Variants in PRKG1 observed in about 807,000 individuals in gnomAD.
PRKG1 encodes protein kinase cGMP-dependent 1, also known as cGMP-dependent protein kinase 1.
Under a neutral mutation model 88.1 loss-of-function variants are expected in PRKG1, and 35 were observed. The observed-to-expected ratio is 0.40, with a 90% CI of 0.30 to 0.53. The LOEUF (loss-of-function observed/expected upper bound fraction) is 0.53, where lower values mean the gene tolerates loss of function less well. PRKG1 is among the 20% of genes least tolerant of loss of function. The pLI is 0.59. For missense variants in PRKG1, 540 were observed against 839.8 expected (o/e 0.64, Z 4.41); for synonymous variants, 303 against 292.5 (o/e 1.04, Z -0.37).
chr10:51,658,403 G>T (rs1840214806), intron 3 of PRKG1, among the ~76,000 whole-genome samples: 2 of 152,038 alleles, frequency 1.3e-5, no homozygotes, highest in South Asian at 4.1e-4. Context: ...CTCTGAGGGT[G>T]GGAGAATAGA....
At chr10:51,963,347 A>G (rs1843491496) in intron 5 of PRKG1, among the ~76,000 whole-genome samples, 1 of 152,206 alleles carries the variant, frequency 6.6e-6, no homozygotes, top group Non-Finnish European at 1.5e-5. Flanking sequence ...AGCACGTGCT[A>G]AAGAAGCACA....
intron 10 of PRKG1, among the ~76,000 whole-genome samples, chr10:52,268,236 G>C (rs145377935): frequency 6.6e-6 from 1 of 152,286 alleles, no homozygotes; most frequent in Non-Finnish European, 1.5e-5. Flanking sequence ...GAAAGCCTCA[G>C]TAGGTTAGCA....
chr10:52,055,842 C>T (rs970422137), intron 6 of PRKG1, among the ~76,000 whole-genome samples: 1 of 152,066 alleles, frequency 6.6e-6, no homozygotes, highest in Non-Finnish European at 1.5e-5. Context: ...TAACTTATAG[C>T]TCATATATAG....
chr10:51,167,406 G>A (rs1289121224), intron 2 of PRKG1, among the ~76,000 whole-genome samples: 2 of 152,182 alleles, frequency 1.3e-5, no homozygotes, highest in East Asian at 1.9e-4. Flanking sequence ...ATGGTTGGTA[G>A]AGGCAATGTC....
At chr10:51,736,521 AT>A (rs1195126897) in intron 3 of PRKG1, among the ~76,000 whole-genome samples, 1 of 152,162 alleles carries the variant, frequency 6.6e-6, no homozygotes, top group East Asian at 1.9e-4. Context: ...TATACACACA[AT>A]TTAGATTTTA....
At chr10:51,350,433 C>A (rs1391916109) in intron 2 of PRKG1, among the ~76,000 whole-genome samples, 1 of 152,106 alleles carries the variant, frequency 6.6e-6, no homozygotes, top group Non-Finnish European at 1.5e-5. Context: ...AATGAACATA[C>A]CTCAACATAA....
intron 9 of PRKG1, among the ~76,000 whole-genome samples, chr10:52,208,389 C>G (rs1309501828): frequency 1.3e-5 from 2 of 152,142 alleles, no homozygotes; most frequent in African/African-American, 4.8e-5. Flanking sequence ...CTGACAAGAC[C>G]TATTCTGCAA....
chr10:51,144,245 G>A (rs913790255), intron 1 of PRKG1, among the ~76,000 whole-genome samples: 1 of 151,968 alleles, frequency 6.6e-6, no homozygotes, highest in African/African-American at 2.4e-5. Flanking sequence ...TTTGCTTTTG[G>A]ATTTTTATAA....
intron 2 of PRKG1, among the ~76,000 whole-genome samples, chr10:51,335,306 C>A (rs1432866658): frequency 6.6e-6 from 1 of 152,074 alleles, no homozygotes; most frequent in Non-Finnish European, 1.5e-5. Context: ...TGGTCAACTT[C>A]TTATTTTACT....
At chr10:52,100,688 C>T (rs1056163587) in intron 7 of PRKG1, among the ~76,000 whole-genome samples, 1 of 152,138 alleles carries the variant, frequency 6.6e-6, no homozygotes, top group South Asian at 2.1e-4. Context: ...ATGGTCAAAA[C>T]GAGAGCCTTT....
chr10:52,080,565 C>G (rs1846745914), intron 7 of PRKG1, among the ~76,000 whole-genome samples: 1 of 152,082 alleles, frequency 6.6e-6, no homozygotes, highest in African/African-American at 2.4e-5. Context: ...AGTACATAAA[C>G]TAGTTCGGTA....
At chr10:51,363,435 G>A (rs747743514) in intron 2 of PRKG1, among the ~76,000 whole-genome samples, 1 of 151,772 alleles carries the variant, frequency 6.6e-6, no homozygotes, top group Non-Finnish European at 1.5e-5. Flanking sequence ...TTTCTTTGCC[G>A]AACTAAATCA....
Position 51,737,736 on chromosome 10 carries a change from T to A in PRKG1, c.593-66849T>A, listed in dbSNP as rs369872918. Among the ~76,000 whole-genome samples, 1,090 of 133,736 alleles carry A rather than the reference T, an allele frequency of 8.2e-3. 6 individuals carry two copies. The highest frequency in any genetic ancestry group is 0.014 in the African/African-American group (509 of 35,874). The allele number at this position is 133,736 out of a possible 152,430, so 87.7% of individuals were successfully genotyped here. A position where few individuals can be genotyped will look rare whatever the true frequency, so the allele number is the denominator to read the frequency against. On this transcript the variant is annotated intron_variant, in intron 3 of 17. Coordinates refer to ENST00000373980, the MANE Select transcript of PRKG1 (RefSeq NM_006258.4). ...TTATTTATTTATTTATTTATTTATT[T>A]ATTAATTATTATTATTATTATTATT...
chr10:52,051,463 G>T (rs1369664884), intron 5 of PRKG1, among the ~76,000 whole-genome samples: 2 of 152,120 alleles, frequency 1.3e-5, no homozygotes, highest in African/African-American at 4.8e-5. Flanking sequence ...GCTCTCACAC[G>T]TATAGCCCTG....
rs551450132 is a variant in PRKG1 at position 51,530,010 on chromosome 10, T to C, written c.592+62174T>C. Among the ~76,000 whole-genome samples, 11 of 152,326 alleles carry C rather than the reference T, an allele frequency of 7.2e-5. No homozygotes were observed. The South Asian group carries it at 2.3e-3, about 32-fold the overall frequency. On this transcript the variant is annotated intron_variant, in intron 3 of 17. Coordinates refer to ENST00000373980, the MANE Select transcript of PRKG1 (RefSeq NM_006258.4). ...TGCTTGCTCTCTTTTTTAACTAGTCTGGAAGCAATTGCTGACTGGCTATTC... is the reference window on the plus strand; with the variant it reads ...TGCTTGCTCTCTTTTTTAACTAGTCCGGAAGCAATTGCTGACTGGCTATTC...
chr10:52,067,449 A>G (rs987717345), intron 7 of PRKG1, among the ~76,000 whole-genome samples: 1 of 152,232 alleles, frequency 6.6e-6, no homozygotes, highest in African/African-American at 2.4e-5. Context: ...TTAAGCACAC[A>G]GTAGAAAATG....
intron 1 of PRKG1, among the ~76,000 whole-genome samples, chr10:51,041,238 A>G (rs966643778): frequency 1.2e-4 from 18 of 152,140 alleles, no homozygotes; most frequent in African/African-American, 4.3e-4. Flanking sequence ...CTTCTGGTCC[A>G]GGGCAGGTCT....
intron 9 of PRKG1, among the ~76,000 whole-genome samples, chr10:52,208,993 A>G (rs919860042): frequency 2.6e-5 from 4 of 152,208 alleles, no homozygotes; most frequent in Non-Finnish European, 5.9e-5. Context: ...AATATTTTTA[A>G]TAATGTAGAA....
intron 2 of PRKG1, among the ~76,000 whole-genome samples, chr10:51,179,817 T>C (rs1165344057): frequency 6.6e-6 from 1 of 152,198 alleles, no homozygotes; most frequent in Non-Finnish European, 1.5e-5. Context: ...CATTACTAGC[T>C]GTGTGATCTC....
Sources: gnomAD v4.1 joint callset for allele counts (sites outside exome capture counted in the v4.1 genomes callset) on GRCh38, gnomAD v4.1.1 for gene constraint, MANE v1.5 for transcripts, NCBI Gene and HGNC (gene_info 2026-07-23, HGNC 2026-07-21) for gene names.